The following TBC1D5 variants were observed in gnomAD, a reference collection of about 807,000 sequenced individuals.
TBC1D5 encodes TBC1 domain family member 5.
TBC1D5 carries 75 observed loss-of-function variants against 100.3 expected under a neutral mutation model. The observed-to-expected ratio is 0.75, with a 90% confidence interval of 0.62 to 0.91. The LOEUF is 0.91. TBC1D5 is among the 40% of genes least tolerant of loss of function. The probability of loss-of-function intolerance (pLI) is 0.00; values close to 1 mark genes in which losing one functional copy is unlikely to be tolerated. For missense variants in TBC1D5, 910 were observed against 942.4 expected (o/e 0.97, Z 0.45); for synonymous variants, 323 against 325.6 (o/e 0.99, Z 0.09).
intron 1 of TBC1D5, among the ~76,000 whole-genome samples, chr3:17,628,495 A>C (rs1295847057): frequency 6.6e-6 from 1 of 152,174 alleles, no homozygotes; most frequent in Non-Finnish European, 1.5e-5. Flanking sequence ...CCTAAAACAG[A>C]AAATAACAAC....
chr3:17,242,382 G>A (rs1187241940), intron 16 of TBC1D5, among the ~76,000 whole-genome samples: 3 of 151,594 alleles, frequency 2.0e-5, no homozygotes, highest in Admixed American at 1.3e-4. Context: ...CACTTTTTCT[G>A]CAATAAAATC....
chr3:17,263,116 AG>A (rs74476691), intron 15 of TBC1D5, among the ~76,000 whole-genome samples: 7,791 of 151,980 alleles, frequency 0.051, 319 homozygotes, highest in East Asian at 0.18. Flanking sequence ...CTGAGGCAGG[AG>A]GATCACTTGA....
At chr3:17,194,759 T>G (rs2070424977) in intron 18 of TBC1D5, among the ~76,000 whole-genome samples, 1 of 152,222 alleles carries the variant, frequency 6.6e-6, no homozygotes, top group Non-Finnish European at 1.5e-5. Context: ...CTTTTAGCCT[T>G]TAGAAACATG....
At chr3:17,631,315 C>T (rs1250391309) in intron 1 of TBC1D5, among the ~76,000 whole-genome samples, 1 of 152,062 alleles carries the variant, frequency 6.6e-6, no homozygotes, top group Non-Finnish European at 1.5e-5. Context: ...AGTGAGAAAC[C>T]TGCAGAAGAA....
intron 13 of TBC1D5, among the ~76,000 whole-genome samples, chr3:17,346,136 AG>A (rs1390720803): frequency 6.6e-6 from 1 of 152,212 alleles, no homozygotes; most frequent in Non-Finnish European, 1.5e-5. Flanking sequence ...AAAACTCTGT[AG>A]ATCATTAATT....
At chr3:17,741,169 G>A (rs889098268), upstream of TBC1D5, among the ~76,000 whole-genome samples, 1 of 152,158 alleles carries the variant, frequency 6.6e-6, no homozygotes, top group Non-Finnish European at 1.5e-5. Context: ...TATCAGAAAT[G>A]TACAATATCA....
chr3:17,174,760 AT>A (rs1241551940), intron 19 of TBC1D5, among the ~76,000 whole-genome samples: 2 of 151,982 alleles, frequency 1.3e-5, no homozygotes, highest in African/African-American at 4.8e-5. Flanking sequence ...TGCCTGGCTA[AT>A]TTTTGTATTT....
At chr3:17,175,447 G>A (rs2125306682) in intron 19 of TBC1D5, among the ~76,000 whole-genome samples, 1 of 152,234 alleles carries the variant, frequency 6.6e-6, no homozygotes, top group African/African-American at 2.4e-5. Context: ...ACACCTCCCA[G>A]TAAAATCTGT....
intron 2 of TBC1D5, among the ~76,000 whole-genome samples, chr3:17,602,064 C>T (rs562824446): frequency 6.6e-6 from 1 of 152,270 alleles, no homozygotes; most frequent in Non-Finnish European, 1.5e-5. Context: ...ATCCCCTGAC[C>T]TCGTGATCCG....
intron 20 of TBC1D5, 46 bp downstream of exon 21, chr3:17,167,703 G>A (rs2305291): frequency 0.19 from 307,570 of 1,577,744 alleles, 37,475 homozygotes; most frequent in East Asian, 0.6. Context: ...GGCCCTCCCC[G>A]CGGCAGGCGG....
At chr3:17,631,043 CAAAAAA>C (rs67069718) in intron 1 of TBC1D5, among the ~76,000 whole-genome samples, 1 of 29,408 alleles carries the variant, frequency 3.4e-5, no homozygotes, top group Admixed American at 3.4e-4. Context: ...GACTCCGTCT[CAAAAAA>C]AAAAAAAAAA....
intron 1 of TBC1D5, among the ~76,000 whole-genome samples, chr3:17,691,589 C>T (rs920874163): frequency 6.6e-5 from 10 of 152,088 alleles, no homozygotes; most frequent in African/African-American, 1.9e-4. Context: ...GAGGCCAAAG[C>T]GGGTGGATCA....
rs577083282 is a variant in TBC1D5 at position 17,699,813 on chromosome 3, G to GAAA, written c.-101+39527_-101+39529dup. 3.3e-3 allele frequency among the ~76,000 whole-genome samples: 444 copies of GAAA among 133,376 alleles called. 1 individual carries two copies. The highest frequency in any genetic ancestry group is 0.012 in the African/African-American group (420 of 36,220). The allele number at this position is 133,376 out of a possible 152,430, so 87.5% of individuals were successfully genotyped here. A position where few individuals can be genotyped will look rare whatever the true frequency, so the allele number is the denominator to read the frequency against. On this transcript the variant is annotated intron_variant, in intron 1 of 21. Coordinates refer to ENST00000253692, the Ensembl canonical transcript of TBC1D5. ...GGATTAAAGGAGTACTGTGTCAAGG[G>GAAA]AAAAAAAAAAAAAAGAAAGAAAGTT...
chr3:17,157,357 G>T (rs1023713965), exon 22 of TBC1D5: 5 of 152,244 alleles, frequency 3.3e-5, no homozygotes, highest in Non-Finnish European at 5.9e-5. Context: ...TACTATGACA[G>T]CTTTTACATC....
chr3:17,377,595 A>C (rs903673853), intron 9 of TBC1D5, among the ~76,000 whole-genome samples: 1 of 152,024 alleles, frequency 6.6e-6, no homozygotes, highest in South Asian at 2.1e-4. Flanking sequence ...AATAAAAATA[A>C]AATACGAAAG....
intron 18 of TBC1D5, among the ~76,000 whole-genome samples, chr3:17,187,103 G>C (rs1020912093): frequency 6.6e-6 from 1 of 152,142 alleles, no homozygotes; most frequent in Non-Finnish European, 1.5e-5. Context: ...GAGAAAGAAG[G>C]CTACATCTGC....
intron 1 of TBC1D5, among the ~76,000 whole-genome samples, chr3:17,667,678 G>A (rs866504672): frequency 1.3e-5 from 2 of 151,802 alleles, no homozygotes; most frequent in Admixed American, 1.3e-4. Context: ...TCTCAAACTC[G>A]TGGGCTCAAG....
chr3:17,435,253 A>G (rs1475095376), intron 3 of TBC1D5, among the ~76,000 whole-genome samples: 1 of 152,000 alleles, frequency 6.6e-6, no homozygotes, highest in African/African-American at 2.4e-5. Context: ...CCAGTTCCAA[A>G]GTCTCTTCCA....
In TBC1D5 at chr3:17,694,892, G is replaced by T. The variant is rs190574512; in HGVS notation, c.-101+44451C>A. ...AAAGGAAGCCCATCAGACTAACAGC[G>T]GACCTCTCGGCAGAAACCCTACAAC... On this transcript the variant is annotated intron_variant, in intron 1 of 21. Transcript: ENST00000253692. Among the ~76,000 whole-genome samples, 531 of 152,230 alleles carry T rather than the reference G, an allele frequency of 3.5e-3. 4 individuals carry two copies. Among genetic ancestry groups the T allele is most frequent in the African/African-American group, 0.012 (503 of 41,542 alleles).
Sources: allele counts gnomAD v4.1 joint callset (sites outside exome capture counted in the v4.1 genomes callset), GRCh38; gene constraint gnomAD v4.1.1; transcripts MANE v1.5; gene names NCBI Gene and HGNC (gene_info 2026-07-23, HGNC 2026-07-21).